UGGT1: variants seen among roughly 807,000 people sequenced by gnomAD.
UGGT1 encodes UDP-glucose:glycoprotein glucosyltransferase 1.
UGGT1 carries 107 observed loss-of-function variants against 203.9 expected under a neutral mutation model. The ratio of observed to expected loss-of-function variants is 0.52; its 90% CI spans 0.45 to 0.62. The LOEUF is 0.62. Among genes scored for constraint, UGGT1 ranks in the 20% least tolerant of loss-of-function variants. UGGT1 has a pLI of 0.00. For synonymous variants in UGGT1, 628 were observed against 653.5 expected (o/e 0.96, Z 0.59); for missense variants, 1,673 against 1,867.2 (o/e 0.90, Z 1.92).
At chr2:128,137,360 A>G (rs1038200201) in intron 15 of UGGT1, among the ~76,000 whole-genome samples, 7 of 152,204 alleles carry the variant, frequency 4.6e-5, no homozygotes, top group Non-Finnish European at 8.8e-5. Context: ...TGAGGCTGCA[A>G]TGAGCTGATT....
rs955082400 is a variant in UGGT1, at chr2:128,187,295, A to G, written c.4477-154A>G. On this transcript the variant is annotated intron_variant, in intron 39 of 40. Transcript: ENST00000259253. ...TTTGTAGATGTAAATACAGCTTTAC[A>G]TAGCCCACTACCATATTGCTTCTGG... The G allele has an allele frequency of 8.3e-6, 6 of 724,102 alleles. No homozygotes were observed. The Admixed American group carries it at 1.6e-4, about 20-fold the overall frequency. The allele number at this position is 724,102 out of a possible 1,614,324, so 44.9% of individuals were successfully genotyped here.
At chr2:128,131,567 A>G (rs2105422652) in intron 13 of UGGT1, among the ~76,000 whole-genome samples, 1 of 152,116 alleles carries the variant, frequency 6.6e-6, no homozygotes, top group East Asian at 1.9e-4. Context: ...ATACATGTGA[A>G]TTTATTTGGG....
intron 16 of UGGT1, 144 bp from the exon 17 acceptor site, chr2:128,142,950 A>T: frequency 1.2e-6 from 1 of 842,354 alleles, no homozygotes; most frequent in Non-Finnish European, 1.7e-6. Flanking sequence ...ATTGCACTCC[A>T]ACCTGGGTGA....
At chr2:128,169,048 TAAAA>T (rs544381740) in intron 26 of UGGT1, among the ~76,000 whole-genome samples, 58 of 52,532 alleles carry the variant, frequency 1.1e-3, no homozygotes, top group African/African-American at 5.2e-3. Context: ...ACTCTGTCTT[TAAAA>T]AAAAAAAAAA....
intron 26 of UGGT1, among the ~76,000 whole-genome samples, chr2:128,165,231 A>G (rs1400813466): frequency 6.6e-6 from 1 of 152,214 alleles, no homozygotes; most frequent in Non-Finnish European, 1.5e-5. Context: ...GCTCGAGACC[A>G]GCAAACAAAG....
chr2:128,174,309 GT>G (rs536672995), intron 30 of UGGT1, among the ~76,000 whole-genome samples: 2,202 of 134,444 alleles, frequency 0.016, 21 homozygotes, highest in South Asian at 0.034. Context: ...TATTGTACTA[GT>G]TTTTTTTTTT....
intron 36 of UGGT1, 116 bp from the exon 37 acceptor site, chr2:128,182,014 C>T (rs1402467272): frequency 2.0e-6 from 2 of 978,116 alleles, no homozygotes. Context: ...GTGCCTGTGC[C>T]ACTAACCACG....
chr2:128,102,112 A>G (rs1175581223), intron 2 of UGGT1, among the ~76,000 whole-genome samples: 1 of 152,166 alleles, frequency 6.6e-6, no homozygotes, highest in African/African-American at 2.4e-5. Context: ...TTTTAAAGCA[A>G]ATCCCAGACA....
chr2:128,170,251 T>G (rs760892365), intron 26 of UGGT1, 37 bp from the exon 27 acceptor site: 1 of 1,590,098 alleles, frequency 6.3e-7, no homozygotes, highest in South Asian at 1.1e-5. Flanking sequence ...GTTTCCTGTG[T>G]CCTCCAGGTT....
intron 19 of UGGT1, among the ~76,000 whole-genome samples, chr2:128,155,251 CATACTT>C (rs1179194663): frequency 6.6e-6 from 1 of 152,176 alleles, no homozygotes; most frequent in African/African-American, 2.4e-5. Context: ...TAAACTGACA[CATACTT>C]ATATGATAGC....
intron 26 of UGGT1, among the ~76,000 whole-genome samples, chr2:128,169,544 C>T (rs1309587753): frequency 1.3e-5 from 2 of 152,206 alleles, no homozygotes; most frequent in Admixed American, 6.5e-5. Flanking sequence ...TCCATAATCT[C>T]ATGTCTAGCA....
chr2:128,133,047 C>G, intron 13 of UGGT1, 94 bp from the exon 14 acceptor site: 1 of 1,466,152 alleles, frequency 6.8e-7, no homozygotes, highest in South Asian at 1.2e-5. Flanking sequence ...TCACATGATT[C>G]TTCTTAAAAT....
rs1348105250 is a variant in UGGT1, at chr2:128,177,835, C to T, written c.3628C>T (p.Gln1210Ter). Residue 1210 changes from glutamine to a stop codon, truncating the protein, a stop_gained, in exon 33 of 41, where the codon CAG (glutamine) becomes TAG (stop). Coordinates refer to ENST00000259253, the MANE Select transcript of UGGT1 (RefSeq NM_020120.4). LOFTEE classifies it high-confidence loss of function. ...GGTTTATCACATTTGATTGCAGGTT[C>T]AGAAGAAGGCAGATATGGTGAACGA... The part of the protein sequence containing the change: ...FKSKIIKVKV[Q>*]KKADMVNEDL... The T allele has an allele frequency of 1.9e-6, 3 of 1,595,780 alleles. No individual in the cohort carries two copies.
chr2:128,134,774 GA>G, intron 14 of UGGT1, 101 bp from the exon 15 acceptor site: 2 of 962,858 alleles, frequency 2.1e-6, no homozygotes, highest in Non-Finnish European at 3.2e-6. Context: ...AGCGTAGCTC[GA>G]AAAAGGTTGG....
chr2:128,174,808 G>T lies in UGGT1; in HGVS notation c.3489G>T (p.Trp1163Cys), dbSNP rs757676561. Residue 1163 changes from tryptophan to cysteine, a missense_variant, in exon 31 of 41, where the codon TGG becomes TGT. Around this residue, in one of 4 missense-constraint regions of UGGT1, gnomAD observed 513 missense variants for 684.1 expected, o/e 0.75. Transcript: ENST00000259253. Reference sequence around the variant, plus strand: ...AGCTGAAAGCCAACCCAGGAGCTTGGATCCTCAGACTTAGGAAGGGACGCT... The same window carrying T: ...AGCTGAAAGCCAACCCAGGAGCTTGTATCCTCAGACTTAGGAAGGGACGCT... ...YFQLKANPGA[W>C]ILRLRKGRSE... The T allele has an allele frequency of 6.2e-7, 1 of 1,613,832 alleles. No homozygotes were observed. Among genetic ancestry groups the T allele is most frequent in the Non-Finnish European group, 8.5e-7 (1 of 1,179,918 alleles).
intron 1 of UGGT1, among the ~76,000 whole-genome samples, chr2:128,093,475 G>T (rs184995153): frequency 6.6e-6 from 1 of 152,326 alleles, no homozygotes; most frequent in Non-Finnish European, 1.5e-5. Flanking sequence ...CCCAAAGCCA[G>T]CGTAAGTGTG....
chr2:128,171,328 A>C, intron 28 of UGGT1, 44 bp downstream of exon 28: 1 of 1,551,156 alleles, frequency 6.4e-7, no homozygotes, highest in Non-Finnish European at 8.8e-7. Flanking sequence ...AATTGTACTG[A>C]ATCCAAGTTC....
At chr2:128,161,691 T>C (rs1160309101) in intron 25 of UGGT1, among the ~76,000 whole-genome samples, 1 of 152,174 alleles carries the variant, frequency 6.6e-6, no homozygotes, top group African/African-American at 2.4e-5. Context: ...GAATACTGAG[T>C]TGTTTCCCTT....
intron 11 of UGGT1, among the ~76,000 whole-genome samples, chr2:128,126,843 T>C (rs976976088): frequency 7.2e-5 from 11 of 151,810 alleles, no homozygotes; most frequent in African/African-American, 2.7e-4. Context: ...CCACCATAGC[T>C]GGTTAATTTT....
Sources: allele counts gnomAD v4.1 joint callset (sites outside exome capture counted in the v4.1 genomes callset), GRCh38; gene constraint gnomAD v4.1.1; regional missense constraint gnomAD v4.1.1; transcripts MANE v1.5; gene names NCBI Gene and HGNC (gene_info 2026-07-23, HGNC 2026-07-21).